Variants in LRRC66 observed in about 807,000 individuals in gnomAD.
The protein encoded by LRRC66 is leucine-rich repeat-containing protein 66.
LRRC66 carries 29 observed loss-of-function variants against 24.6 expected under a neutral mutation model. That is an observed-to-expected ratio of 1.18 (90% CI 0.88 to 1.61). LRRC66 has a LOEUF of 1.61. Among genes scored for constraint, LRRC66 ranks in the 40% most tolerant of loss-of-function variants. LRRC66 has a pLI of 0.00. For missense variants in LRRC66, 1,124 were observed against 1,058.0 expected, an observed-to-expected ratio of 1.06 and a Z score of -0.87; for synonymous variants, 411 against 397.6, an observed-to-expected ratio of 1.03 and a Z score of -0.40.
intron 1 of LRRC66, among the ~76,000 whole-genome samples, chr4:52,019,869 T>C (rs1736903428): frequency 1.3e-5 from 2 of 152,154 alleles, no homozygotes; most frequent in Admixed American, 1.3e-4. Context: ...CTTTTTAAGC[T>C]GAAGAGATTT....
At chr4:52,005,644 C>CTT (rs377634579) in intron 2 of LRRC66, among the ~76,000 whole-genome samples, 9 of 143,094 alleles carry the variant, frequency 6.3e-5, no homozygotes, top group South Asian at 2.2e-4. Context: ...GCCAAGAAGA[C>CTT]TTTTTTTTTT....
Position 51,993,710 on chromosome 4 carries a change from T to G in LRRC66, c.*669A>C, listed in dbSNP as rs1304237413. Reference sequence around the variant, plus strand: ...GGCCCCTCTTCTCTTTTAACATAACTTATTTAAAAACATTTATATTTACTC... The same window carrying G: ...GGCCCCTCTTCTCTTTTAACATAACGTATTTAAAAACATTTATATTTACTC... On this transcript the variant is annotated 3_prime_UTR_variant, in exon 5 of 5. Coordinates refer to ENST00000682860, the MANE Select transcript of LRRC66 (RefSeq NM_001024611.3). The G allele has an allele frequency of 2.0e-5, 3 of 152,240 alleles. No homozygotes were observed. Among genetic ancestry groups the G allele is most frequent in the African/African-American group, 7.2e-5 (3 of 41,472 alleles). 9.4% of individuals were successfully genotyped at this position (152,240 alleles called of 1,614,324 possible).
intron 3 of LRRC66, among the ~76,000 whole-genome samples, chr4:52,002,658 C>T (rs1218631933): frequency 3.3e-5 from 5 of 152,132 alleles, no homozygotes; most frequent in East Asian, 1.9e-4. Flanking sequence ...ATGGGTTGGA[C>T]GTTTAGAACT....
At chr4:51,998,036 G>T in intron 3 of LRRC66, 99 bp from the exon 4 acceptor site, 1 of 1,013,022 alleles carries the variant, frequency 9.9e-7, no homozygotes, top group Non-Finnish European at 1.5e-6. Flanking sequence ...TCTCTATGGA[G>T]GCAATATGGA....
rs904205339 is a variant in LRRC66 at position 52,018,332 on chromosome 4, G to C, written c.-5-714C>G. The C allele has an allele frequency of 6.1e-6, 6 of 984,532 alleles. No individual in the cohort carries two copies. In the African/African-American group the frequency reaches 1.0e-4, roughly 17 times the overall value. The allele number at this position is 984,532 out of a possible 1,614,324, so 61.0% of individuals were successfully genotyped here. On this transcript the variant is annotated intron_variant, in intron 1 of 4. Coordinates refer to ENST00000682860, the MANE Select transcript of LRRC66 (RefSeq NM_001024611.3). ...AGAAAAAATTCAAAGTTTTTAAAAAGAAGTGTGTACAAATTACAATGGCTG... is the reference window on the plus strand; with the variant it reads ...AGAAAAAATTCAAAGTTTTTAAAAACAAGTGTGTACAAATTACAATGGCTG...
chr4:52,005,755 C>T (rs949114895), intron 2 of LRRC66, among the ~76,000 whole-genome samples: 4 of 152,080 alleles, frequency 2.6e-5, no homozygotes, highest in Non-Finnish European at 5.9e-5. Flanking sequence ...CTGTGCACAG[C>T]CCTGCTGCCC....
At chr4:52,017,069 A>G in intron 2 of LRRC66, 49 bp downstream of exon 2, 5 of 1,539,528 alleles carry the variant, frequency 3.2e-6, no homozygotes, top group Non-Finnish European at 4.4e-6. Context: ...TGAACATGAA[A>G]CAACTCCACG....
chr4:52,016,780 T>C (rs1255070775), intron 2 of LRRC66, among the ~76,000 whole-genome samples: 1 of 152,174 alleles, frequency 6.6e-6, no homozygotes, highest in African/African-American at 2.4e-5. Flanking sequence ...TTTGAACTAG[T>C]TATTGCTCAG....
chr4:51,994,894 G>C lies in LRRC66; in HGVS notation c.2128C>G (p.Leu710Val), dbSNP rs895361791. 1.2e-6 allele frequency: 2 copies of C among 1,613,990 alleles called. No homozygotes were observed. Among genetic ancestry groups the C allele is most frequent in the African/African-American group, 2.7e-5 (2 of 74,914 alleles). ...ESDCDSDEGS[L>V]FTLSSISSES... ...GAACTTATGGAGCTCAGAGTGAACA[G>C]AGACCCCTCATCAGAGTCACAGTCA... The change falls in exon 5 of 5, where the codon CTG becomes GTG. Residue 710 changes from leucine (L) to valine (V), a missense_variant. Coordinates refer to ENST00000682860, the MANE Select transcript of LRRC66 (RefSeq NM_001024611.3).
rs1232665246 is a variant in LRRC66, at chr4:51,994,716, T to C, written c.2306A>G (p.Gln769Arg). ...GAGAGGTTTTTCAAAGGGATCTTCT[T>C]GATTCTTGCATTTCCCTGGAATTGT... ...FQTIPGKCKN[Q>R]EDPFEKPLIS... Residue 769 changes from glutamine (Q) to arginine (R), a missense_variant, in exon 5 of 5, where the codon CAA becomes CGA. Coordinates refer to ENST00000682860, the MANE Select transcript of LRRC66 (RefSeq NM_001024611.3). 1.2e-6 allele frequency: 2 copies of C among 1,614,222 alleles called. No homozygotes were observed. The highest frequency in any genetic ancestry group is 1.7e-6 in the Non-Finnish European group (2 of 1,180,028).
At chr4:52,014,607 C>T (rs1404408850) in intron 2 of LRRC66, among the ~76,000 whole-genome samples, 1 of 152,196 alleles carries the variant, frequency 6.6e-6, no homozygotes, top group Non-Finnish European at 1.5e-5. Flanking sequence ...GCATCTCTCT[C>T]ACCAGCAGTT....
intron 3 of LRRC66, among the ~76,000 whole-genome samples, chr4:52,000,177 C>A (rs1736415701): frequency 6.6e-6 from 1 of 152,110 alleles, no homozygotes; most frequent in African/African-American, 2.4e-5. Flanking sequence ...GATTCTGGGG[C>A]AGTTACAGTG....
intron 3 of LRRC66, among the ~76,000 whole-genome samples, chr4:52,002,804 C>A (rs1736486340): frequency 6.6e-6 from 1 of 152,216 alleles, no homozygotes; most frequent in Admixed American, 6.5e-5. Context: ...GACATCTTAG[C>A]ATCAGCCAGG....
intron 2 of LRRC66, among the ~76,000 whole-genome samples, chr4:52,010,787 T>C (rs540662319): frequency 1.5e-3 from 223 of 152,280 alleles, no homozygotes; most frequent in African/African-American, 5.3e-3. Context: ...GTGTCTTTTT[T>C]GTAGAATGAT....
chr4:52,017,092 C>A (rs1317062594), intron 2 of LRRC66, 26 bp downstream of exon 2: 10 of 1,573,542 alleles, frequency 6.4e-6, no homozygotes, highest in African/African-American at 1.4e-5. Context: ...AGCATTGTTT[C>A]TCTGCCTAGT....
rs1330294489 is a variant in LRRC66, at chr4:52,012,445, A to AT, written c.496+4672dup. 3.9e-5 allele frequency among the ~76,000 whole-genome samples: 6 copies of AT among 152,242 alleles called. No individual in the cohort carries two copies. The South Asian group carries it at 1.0e-3, about 26-fold the overall frequency. On this transcript the variant is annotated intron_variant, in intron 2 of 4. Transcript: ENST00000682860. ...TTCAATTTTAGATAATTAAGATTTT[A>AT]TTTTTTTAAGGGAACTGGTACAGAC...
intron 1 of LRRC66, chr4:52,018,218 T>C (rs1294140974): frequency 1.3e-5 from 13 of 985,322 alleles, no homozygotes; most frequent in Non-Finnish European, 6.0e-6. Flanking sequence ...TACAACATAA[T>C]GTGTTATCAA....
rs747783801 is a variant in LRRC66, at chr4:51,996,148, C to T, written c.874G>A (p.Gly292Arg). 3.1e-6 allele frequency: 5 copies of T among 1,610,526 alleles called. No homozygotes were observed. In the South Asian group the frequency reaches 4.4e-5, roughly 14 times the overall value. ...GAAATCCTGCTCTGGGGAGTGCCCC[C>T]GTTGGCCTCCTCACTCCCTGCAAGT... ...NRSIGSEEAN[G>R]GTPQSRISRE... Residue 292 changes from glycine to arginine, a missense_variant, in exon 5 of 5, where the codon GGG (glycine) becomes AGG (arginine). Transcript: ENST00000682860.
chr4:52,016,635 C>T (rs1419835299), intron 2 of LRRC66, among the ~76,000 whole-genome samples: 1 of 151,942 alleles, frequency 6.6e-6, no homozygotes, highest in Non-Finnish European at 1.5e-5. Flanking sequence ...GGTTTACATA[C>T]CAATATATAA....
Sources: allele counts gnomAD v4.1 joint callset (sites outside exome capture counted in the v4.1 genomes callset), GRCh38; gene constraint gnomAD v4.1.1; transcripts MANE v1.5; gene names NCBI Gene and HGNC (gene_info 2026-07-23, HGNC 2026-07-21).